Variants in EYS observed in about 807,000 individuals in gnomAD.
EYS encodes protein eyes shut homolog.
In EYS, 250 loss-of-function variants were observed where a neutral mutation model predicts 282.1. The observed-to-expected ratio is 0.89, with a 90% confidence interval of 0.80 to 0.98. EYS has a LOEUF of 0.98. Among genes scored for constraint, EYS ranks in the 50% least tolerant of loss-of-function variants. EYS has a pLI of 0.00. For missense variants in EYS, 4,016 were observed against 3,709.0 expected (o/e 1.08, Z -2.15); for synonymous variants, 1,355 against 1,282.9 (o/e 1.06, Z -1.20).
At chr6:65,214,559 T>C (rs1766264233) in intron 12 of EYS, among the ~76,000 whole-genome samples, 1 of 152,190 alleles carries the variant, frequency 6.6e-6, no homozygotes, top group Non-Finnish European at 1.5e-5. Flanking sequence ...CAAGGTGAAG[T>C]TGCAAGTGCT....
chr6:65,252,434 G>T (rs1767350764), intron 12 of EYS, among the ~76,000 whole-genome samples: 1 of 151,904 alleles, frequency 6.6e-6, no homozygotes, highest in South Asian at 2.1e-4. Context: ...CAAGGCTCAG[G>T]GAAGACATTG....
At chr6:65,091,436 C>T (rs115930871) in intron 12 of EYS, among the ~76,000 whole-genome samples, 1,551 of 136,592 alleles carry the variant, frequency 0.011, 24 homozygotes, top group African/African-American at 0.04. Flanking sequence ...GGTGAGAGAG[C>T]GAGACTACAT....
Position 64,296,876 on chromosome 6 carries a change from A to G in EYS, c.6191+10094T>C, listed in dbSNP as rs147760840. The stretch of plus-strand genomic sequence containing the variant: ...TGCCTGGGCCTCCCAAAGTGCTGGG[A>G]TTACAGGCATGAGCCACCACGTCTG... On this transcript the variant is annotated intron_variant, in intron 30 of 42. Coordinates refer to ENST00000503581, the MANE Select transcript of EYS (RefSeq NM_001142800.2). Among the ~76,000 whole-genome samples, 1,440 of 152,242 alleles carry G rather than the reference A, an allele frequency of 9.5e-3. 27 individuals carry two copies. Among genetic ancestry groups the G allele is most frequent in the African/African-American group, 0.033 (1,390 of 41,514 alleles).
At chr6:65,555,682 T>C (rs1768772981) in intron 2 of EYS, among the ~76,000 whole-genome samples, 1 of 152,166 alleles carries the variant, frequency 6.6e-6, no homozygotes, top group South Asian at 2.1e-4. Context: ...TGTTGGCAAA[T>C]TAATAACTGT....
At chr6:64,835,945 A>G (rs1199420694) in intron 19 of EYS, among the ~76,000 whole-genome samples, 1 of 151,654 alleles carries the variant, frequency 6.6e-6, no homozygotes, top group East Asian at 1.9e-4. Context: ...TGTATAAAAG[A>G]CATCTCTACT....
chr6:64,873,342 A>C (rs1229264385), intron 19 of EYS, among the ~76,000 whole-genome samples: 1 of 152,096 alleles, frequency 6.6e-6, no homozygotes, highest in Non-Finnish European at 1.5e-5. Flanking sequence ...TCCCTCCCAC[A>C]ACATATGGGA....
intron 18 of EYS, among the ~76,000 whole-genome samples, chr6:64,897,183 C>A (rs1394919096): frequency 6.6e-6 from 1 of 152,136 alleles, no homozygotes; most frequent in African/African-American, 2.4e-5. Flanking sequence ...CAGCGGTCGA[C>A]AGACACCTCA....
intron 35 of EYS, among the ~76,000 whole-genome samples, chr6:63,909,903 C>T (rs1246174863): frequency 6.6e-6 from 1 of 152,168 alleles, no homozygotes; most frequent in East Asian, 1.9e-4. Context: ...AGATAGATGT[C>T]AATGTTGTGT....
chr6:64,214,425 A>C (rs1334510550), intron 31 of EYS, among the ~76,000 whole-genome samples: 1 of 152,132 alleles, frequency 6.6e-6, no homozygotes, highest in Non-Finnish European at 1.5e-5. Context: ...GTTACTGAAA[A>C]GTTTAAGCCA....
intron 12 of EYS, among the ~76,000 whole-genome samples, chr6:65,073,320 G>A (rs1773951954): frequency 6.6e-6 from 1 of 151,700 alleles, no homozygotes; most frequent in Non-Finnish European, 1.5e-5. Context: ...ATTTTACAGA[G>A]TAAAACTGAC....
At chr6:65,357,726 A>C (rs1221819534) in intron 8 of EYS, among the ~76,000 whole-genome samples, 1 of 152,008 alleles carries the variant, frequency 6.6e-6, no homozygotes, top group African/African-American at 2.4e-5. Flanking sequence ...TTTTACAAGT[A>C]AGATGATTTT....
chr6:65,099,938 AAAGT>A (rs1411495109), intron 12 of EYS, among the ~76,000 whole-genome samples: 15 of 150,974 alleles, frequency 9.9e-5, no homozygotes, highest in African/African-American at 3.6e-4. Context: ...AAAGACTGAC[AAAGT>A]AAGATGTAGT....
At chr6:64,650,653 T>C (rs745724636) in intron 22 of EYS, among the ~76,000 whole-genome samples, 2 of 152,054 alleles carry the variant, frequency 1.3e-5, no homozygotes, top group Admixed American at 6.5e-5. Flanking sequence ...GAGAATATAG[T>C]AAAAATTTTG....
intron 12 of EYS, among the ~76,000 whole-genome samples, chr6:65,185,110 C>T (rs576543340): frequency 1.3e-5 from 2 of 151,416 alleles, no homozygotes; most frequent in East Asian, 3.9e-4. Flanking sequence ...TATAACATTT[C>T]ATTTTTATCA....
chr6:65,225,756 G>T (rs568014337), intron 12 of EYS, among the ~76,000 whole-genome samples: 1 of 148,632 alleles, frequency 6.7e-6, no homozygotes, highest in East Asian at 1.9e-4. Context: ...ACCAATCCAC[G>T]TAACTTTAAT....
intron 41 of EYS, among the ~76,000 whole-genome samples, chr6:63,760,668 C>CTATT (rs1329899191): frequency 2.2e-4 from 33 of 149,462 alleles, no homozygotes; most frequent in African/African-American, 8.0e-4. Context: ...ATCTATCTAT[C>CTATT]TATCTATCTA....
chr6:64,719,490 A>C (rs1771502764), intron 22 of EYS, among the ~76,000 whole-genome samples: 1 of 152,234 alleles, frequency 6.6e-6, no homozygotes, highest in Non-Finnish European at 1.5e-5. Context: ...CAAGTCAGTC[A>C]TCAGTTACTA....
intron 31 of EYS, among the ~76,000 whole-genome samples, chr6:64,121,973 C>A (rs774027788): frequency 3.3e-5 from 5 of 152,092 alleles, no homozygotes; most frequent in Non-Finnish European, 5.9e-5. Context: ...ATATTAAGAA[C>A]ATTTCCATCT....
At chr6:65,025,287 A>G (rs541241332) in intron 13 of EYS, among the ~76,000 whole-genome samples, 11 of 152,292 alleles carry the variant, frequency 7.2e-5, no homozygotes, top group African/African-American at 2.6e-4. Flanking sequence ...TCAAAACTGG[A>G]GCAATTGCAT....
Sources: allele counts gnomAD v4.1 joint callset (sites outside exome capture counted in the v4.1 genomes callset), GRCh38; gene constraint gnomAD v4.1.1; transcripts MANE v1.5; gene names NCBI Gene and HGNC (gene_info 2026-07-23, HGNC 2026-07-21).